CFAP141: variants seen among roughly 807,000 people sequenced by gnomAD.
CFAP141 encodes the protein cilia- and flagella-associated protein 141.
At chr1:154,202,230 G>T in the CFAP141 span, among the ~76,000 whole-genome samples, 4 of 152,008 alleles carry the variant, frequency 2.6e-5, no homozygotes, top group South Asian at 8.3e-4. Context: ...AAGCCACCAT[G>T]CCTGGCTGCT....
the CFAP141 span, among the ~76,000 whole-genome samples, chr1:154,204,194 C>T: frequency 1.3e-5 from 2 of 152,040 alleles, no homozygotes; most frequent in South Asian, 2.1e-4. Flanking sequence ...AAGATAAATT[C>T]CTATTTTTGC....
At chr1:154,205,688 A>G in the CFAP141 span, 3 of 1,538,526 alleles carry the variant, frequency 1.9e-6, no homozygotes, top group Non-Finnish European at 2.7e-6. Flanking sequence ...CAGAACCTCT[A>G]TTCTAATGAG....
chr1:154,204,020 G>A, the CFAP141 span, among the ~76,000 whole-genome samples: 14 of 152,120 alleles, frequency 9.2e-5, no homozygotes, highest in African/African-American at 2.9e-4. Flanking sequence ...AGACCCAGGA[G>A]GCGGAGGTTG....
At chr1:154,200,461 T>A in the CFAP141 span, 2 of 1,614,028 alleles carry the variant, frequency 1.2e-6, no homozygotes, top group African/African-American at 2.7e-5. Flanking sequence ...GAACTCACCA[T>A]TAGTAGTTGC....
At chr1:154,201,358 C>T in the CFAP141 span, among the ~76,000 whole-genome samples, 1 of 149,164 alleles carries the variant, frequency 6.7e-6, no homozygotes, top group Non-Finnish European at 1.5e-5. Context: ...TGCCCAAGGT[C>T]ACTTAATGGC....
chr1:154,199,931 C>T, the CFAP141 span, among the ~76,000 whole-genome samples: 5 of 152,254 alleles, frequency 3.3e-5, no homozygotes, highest in South Asian at 2.1e-4. Flanking sequence ...GGCTGGAGTG[C>T]AGTGGCACAA....
the CFAP141 span, among the ~76,000 whole-genome samples, chr1:154,200,970 C>T: frequency 6.6e-6 from 1 of 152,184 alleles, no homozygotes; most frequent in South Asian, 2.1e-4. Context: ...AGGTGTGAGC[C>T]ACCACGCCTG....
chr1:154,202,032 G>A, the CFAP141 span, among the ~76,000 whole-genome samples: 1 of 151,912 alleles, frequency 6.6e-6, no homozygotes, highest in Admixed American at 6.6e-5. Flanking sequence ...TGTCTCCTGG[G>A]CTCAAGCAAT....
At chr1:154,204,220 G>A in the CFAP141 span, among the ~76,000 whole-genome samples, 1 of 152,100 alleles carries the variant, frequency 6.6e-6, no homozygotes, top group Non-Finnish European at 1.5e-5. Context: ...CAATGGATAT[G>A]TAAATTTAAA....
chr1:154,206,216 A>G, the CFAP141 span: 3 of 1,509,686 alleles, frequency 2.0e-6, no homozygotes, highest in Non-Finnish European at 2.8e-6. Context: ...CACTTATAGT[A>G]AATTGATCTG....
the CFAP141 span, among the ~76,000 whole-genome samples, chr1:154,205,173 C>T: frequency 5.3e-5 from 8 of 152,192 alleles, no homozygotes; most frequent in East Asian, 1.9e-4. Flanking sequence ...CGTGAGCCAC[C>T]GCGCCCGGCT....
At chr1:154,199,532 G>A in the CFAP141 span, 1 of 1,596,594 alleles carries the variant, frequency 6.3e-7, no homozygotes, top group South Asian at 1.1e-5. Flanking sequence ...GACGGACCTG[G>A]TGGAGAGGGC....
the CFAP141 span, chr1:154,205,691 C>T: frequency 1.3e-6 from 2 of 1,526,302 alleles, no homozygotes; most frequent in Non-Finnish European, 1.8e-6. Flanking sequence ...AACCTCTATT[C>T]TAATGAGAGA....
chr1:154,205,593 A>G, the CFAP141 span: 3 of 1,613,756 alleles, frequency 1.9e-6, no homozygotes, highest in Middle Eastern at 3.3e-4. Flanking sequence ...ATAGAAGCAG[A>G]TTACCTGTCG....
the CFAP141 span, chr1:154,205,684 C>T: frequency 1.8e-5 from 29 of 1,576,088 alleles, no homozygotes; most frequent in Non-Finnish European, 2.4e-5. Flanking sequence ...TCTCCAGAAC[C>T]TCTATTCTAA....
chr1:154,205,291 T>TACAAATTACAA, the CFAP141 span, among the ~76,000 whole-genome samples: 1 of 152,104 alleles, frequency 6.6e-6, no homozygotes, highest in Non-Finnish European at 1.5e-5. Context: ...ACCACATAAT[T>TACAAATTACAA]AGTACAAAGC....
the CFAP141 span, chr1:154,200,322 G>C: frequency 4.7e-6 from 4 of 848,072 alleles, no homozygotes; most frequent in Non-Finnish European, 7.4e-6. Flanking sequence ...GAGTTGTGTT[G>C]CTCTGGTGTA....
At chr1:154,199,860 A>C in the CFAP141 span, among the ~76,000 whole-genome samples, 1 of 152,170 alleles carries the variant, frequency 6.6e-6, no homozygotes, top group Non-Finnish European at 1.5e-5. Context: ...AGTGATACGC[A>C]CTAAGAGGCA....
At chr1:154,200,036 G>C in the CFAP141 span, among the ~76,000 whole-genome samples, 7 of 152,172 alleles carry the variant, frequency 4.6e-5, no homozygotes, top group African/African-American at 1.7e-4. Flanking sequence ...CACCATGCCC[G>C]GCCAATTTTT....
Sources: allele counts gnomAD v4.1 joint callset (sites outside exome capture counted in the v4.1 genomes callset), GRCh38; gene constraint gnomAD v4.1.1; transcripts MANE v1.5; gene names NCBI Gene and HGNC (gene_info 2026-07-23, HGNC 2026-07-21).